The following INPP5A variants were observed in gnomAD, a reference collection of about 807,000 sequenced individuals.
The protein encoded by INPP5A is inositol polyphosphate-5-phosphatase A.
INPP5A carries 14 observed loss-of-function variants against 65.2 expected under a neutral mutation model. The observed-to-expected ratio is 0.21, with a 90% CI of 0.14 to 0.34. INPP5A has a LOEUF of 0.34. Ranked by LOEUF, INPP5A falls within the 10% of genes least tolerant of loss-of-function variation. INPP5A has a pLI of 1.00. For synonymous variants in INPP5A, 207 were observed against 208.3 expected (o/e 0.99, Z 0.05); for missense variants, 431 against 545.6 (o/e 0.79, Z 2.09).
At chr10:132,690,277 A>G in intron 4 of INPP5A, 115 bp from the exon 5 acceptor site, 1 of 733,362 alleles carries the variant, frequency 1.4e-6, no homozygotes, top group South Asian at 1.7e-5. Flanking sequence ...TTAAATTATA[A>G]CTGGTGAAAC....
chr10:132,671,495 T>C (rs1472578785), intron 4 of INPP5A, among the ~76,000 whole-genome samples: 1 of 151,834 alleles, frequency 6.6e-6, no homozygotes, highest in East Asian at 1.9e-4. Context: ...CTCCACCCTT[T>C]CTGCTTCGGT....
rs2071032304 is a variant in INPP5A, at chr10:132,550,213, A to G, written c.75+12042A>G. ...GGGGAGAGCAGAGAGAGCTTAGGAG[A>G]CCACATTGCCACTGTTTAGGGTCAG... On this transcript the variant is annotated intron_variant, in intron 1 of 15. Transcript: ENST00000368594. This position sits in a 1 kb window ranked among gnomAD's most constrained non-coding sequence, Gnocchi z 4.2. 6.6e-6 allele frequency among the ~76,000 whole-genome samples: 1 copy of G among 152,166 alleles called. No individual in the cohort carries two copies. Among genetic ancestry groups the G allele is most frequent in the Non-Finnish European group, 1.5e-5 (1 of 68,020 alleles).
intron 8 of INPP5A, among the ~76,000 whole-genome samples, chr10:132,718,780 A>G (rs1590952577): frequency 8.1e-6 from 1 of 123,954 alleles, no homozygotes; most frequent in Non-Finnish European, 1.7e-5. Context: ...GTTCTGTGGT[A>G]CCTCGGTTCT....
chr10:132,611,594 A>T (rs1171802404), intron 2 of INPP5A, among the ~76,000 whole-genome samples: 17 of 73,070 alleles, frequency 2.3e-4, no homozygotes, highest in Middle Eastern at 0.013. Context: ...GGGGAGGGTG[A>T]GGGAGGTGAG....
chr10:132,624,462 G>A (rs1441484577), intron 2 of INPP5A, among the ~76,000 whole-genome samples: 2 of 129,930 alleles, frequency 1.5e-5, no homozygotes, highest in East Asian at 2.0e-4. Context: ...TCCCACCAGC[G>A]TGTCTGCACT....
intron 8 of INPP5A, among the ~76,000 whole-genome samples, chr10:132,721,804 C>T (rs902982898): frequency 1.1e-4 from 16 of 151,968 alleles, no homozygotes; most frequent in African/African-American, 3.9e-4. Flanking sequence ...TTCTGTGGTG[C>T]CTAGGTTCTG....
At chr10:132,696,795 C>T (rs576492996) in intron 5 of INPP5A, among the ~76,000 whole-genome samples, 3 of 152,294 alleles carry the variant, frequency 2.0e-5, no homozygotes, top group Admixed American at 1.3e-4. Flanking sequence ...TCACAGCACC[C>T]AGGGCCAGGT....
intron 5 of INPP5A, among the ~76,000 whole-genome samples, chr10:132,693,989 A>G (rs1174804444): frequency 6.6e-6 from 1 of 152,232 alleles, no homozygotes; most frequent in Non-Finnish European, 1.5e-5. Flanking sequence ...TAAAATCAGG[A>G]AAGACATAGT....
rs946763209 is a variant in INPP5A, at chr10:132,676,392, C to T, written c.307-14000C>T. On this transcript the variant is annotated intron_variant, in intron 4 of 15. Coordinates refer to ENST00000368594, the MANE Select transcript of INPP5A (RefSeq NM_005539.5). The surrounding 1 kb of genome is among the most constrained non-coding windows in gnomAD (Gnocchi z 4.0). ...GTCTGGCACACCGTGAGTTCTGGGC[C>T]AGGACCTTTCCACCTGTCTCCCTCC... Among the ~76,000 whole-genome samples the T allele has an allele frequency of 6.6e-6, 1 of 152,188 alleles. No individual in the cohort carries two copies. The highest frequency in any genetic ancestry group is 1.5e-5 in the Non-Finnish European group (1 of 68,038).
intron 1 of INPP5A, among the ~76,000 whole-genome samples, chr10:132,596,681 T>A (rs916078778): frequency 2.0e-5 from 3 of 152,158 alleles, no homozygotes; most frequent in Non-Finnish European, 2.9e-5. Flanking sequence ...CCACCCTCCT[T>A]GGCCTCCCAA....
Position 132,749,529 on chromosome 10 carries a change from A to G in INPP5A, c.745A>G (p.Lys249Glu). The change falls in exon 10 of 16, where the codon AAA becomes GAA. Residue 249 changes from lysine (K) to glutamate (E), a missense_variant. By Grantham distance (56) the Lys-to-Glu change is moderately conservative (BLOSUM62 1). Transcript: ENST00000368594. Reference sequence around the variant, plus strand: ...TGTCTTTCTGCAGACGCTCTGCACAAAAGCCACCATGCAGACGGTCCGGGC... The same window carrying G: ...TGTCTTTCTGCAGACGCTCTGCACAGAAGCCACCATGCAGACGGTCCGGGC... ...SKSVVETLCT[K>E]ATMQTVRAAD... 6.2e-7 allele frequency: 1 copy of G among 1,612,940 alleles called. No homozygotes were observed. The highest frequency in any genetic ancestry group is 8.5e-7 in the Non-Finnish European group (1 of 1,179,996).
At position 132,703,912 on chromosome 10, in the gene INPP5A, CCACA is replaced by C. The variant is rs778729869; in HGVS notation, c.475-4393_475-4390del. ...CCCACACACACACGTGGCTTCACCCCCACACACACACGCAAGCTTCACCCCCACA... is the reference window on the plus strand; with the variant it reads ...CCCACACACACACGTGGCTTCACCCCCACACACGCAAGCTTCACCCCCACA... On this transcript the variant is annotated intron_variant, in intron 6 of 15. Transcript: ENST00000368594. Among the ~76,000 whole-genome samples, 6 of 121,806 alleles carry C rather than the reference CCACA, an allele frequency of 4.9e-5. No homozygotes were observed. In the East Asian group the frequency reaches 1.5e-3, roughly 31 times the overall value. The allele number at this position is 121,806 out of a possible 152,430, so 79.9% of individuals were successfully genotyped here.
At chr10:132,728,858 G>A (rs1404831523) in intron 9 of INPP5A, among the ~76,000 whole-genome samples, 2 of 152,190 alleles carry the variant, frequency 1.3e-5, no homozygotes, top group Admixed American at 6.5e-5. Context: ...GCCAGCTGCT[G>A]AGCCCGGTGG....
chr10:132,628,465 G>GT (rs1467243180), intron 2 of INPP5A, among the ~76,000 whole-genome samples: 1 of 56,200 alleles, frequency 1.8e-5, no homozygotes, highest in East Asian at 4.7e-4. Context: ...TCTGGTGGCG[G>GT]GGGGGGGGGG....
chr10:132,566,374 C>T (rs2071275145), intron 1 of INPP5A, among the ~76,000 whole-genome samples: 1 of 152,168 alleles, frequency 6.6e-6, no homozygotes, highest in African/African-American at 2.4e-5. Flanking sequence ...AACCAGCCAG[C>T]TTATCAGACA....
Position 132,675,580 on chromosome 10 carries a change from GTGCCCGGGA to G in INPP5A, c.307-14811_307-14803del, listed in dbSNP as rs1459850320. ...GAGTGAGCGTTCCAGGGGCCTTGCCGTGCCCGGGAGAGTGAGGGTAACGGACATTCCCAC... is the reference window on the plus strand; with the variant it reads ...GAGTGAGCGTTCCAGGGGCCTTGCCGGAGTGAGGGTAACGGACATTCCCAC... On this transcript the variant is annotated intron_variant, in intron 4 of 15. Transcript: ENST00000368594. This position sits in a 1 kb window ranked among gnomAD's most constrained non-coding sequence, Gnocchi z 4.2. Among the ~76,000 whole-genome samples the G allele has an allele frequency of 5.9e-5, 9 of 151,982 alleles. No homozygotes were observed. The highest frequency in any genetic ancestry group is 2.2e-4 in the African/African-American group (9 of 41,316).
chr10:132,745,911 C>T (rs887345827), intron 9 of INPP5A, among the ~76,000 whole-genome samples: 2 of 152,162 alleles, frequency 1.3e-5, no homozygotes, highest in African/African-American at 2.4e-5. Context: ...GGAGTGTGTC[C>T]TGGAGAACAG....
intron 1 of INPP5A, among the ~76,000 whole-genome samples, chr10:132,567,974 T>C (rs989846759): frequency 1.3e-5 from 2 of 151,750 alleles, no homozygotes; most frequent in Non-Finnish European, 2.9e-5. Flanking sequence ...GGGCGGATCA[T>C]GAGGTCAAGA....
chr10:132,672,032 G>A lies in INPP5A; in HGVS notation c.307-18360G>A, dbSNP rs528372035. ...TAAACTGTAGGTTTTAAAGCTTGAG[G>A]ACAGGTTTCGTTAGAGGTCAAAATT... On this transcript the variant is annotated intron_variant, in intron 4 of 15. Coordinates refer to ENST00000368594, the MANE Select transcript of INPP5A (RefSeq NM_005539.5). Among the ~76,000 whole-genome samples the A allele has an allele frequency of 5.0e-4, 76 of 152,338 alleles. 1 individual carries two copies. The highest frequency in any genetic ancestry group is 1.4e-3 in the South Asian group (7 of 4,830).
Sources: gnomAD v4.1 joint callset for allele counts (sites outside exome capture counted in the v4.1 genomes callset) on GRCh38, gnomAD v4.1.1 for gene constraint, Gnocchi (gnomAD v3.1) non-coding constraint, MANE v1.5 for transcripts, NCBI Gene and HGNC (gene_info 2026-07-23, HGNC 2026-07-21) for gene names.